The following CLCN6 variants were observed in gnomAD, a reference collection of about 807,000 sequenced individuals.
The protein encoded by CLCN6 is H(+)/Cl(-) exchange transporter 6.
In CLCN6, 70 loss-of-function variants were observed where a neutral mutation model predicts 109.8. That is an observed-to-expected ratio of 0.64 (90% CI 0.53 to 0.78). The LOEUF is 0.78. Among genes scored for constraint, CLCN6 ranks in the 30% least tolerant of loss-of-function variants. The probability of loss-of-function intolerance (pLI) is 0.00; values close to 1 mark genes in which losing one functional copy is unlikely to be tolerated. For missense variants in CLCN6, 984 were observed against 1,142.3 expected, an observed-to-expected ratio of 0.86 and a Z score of 2.00; for synonymous variants, 444 against 447.8, an observed-to-expected ratio of 0.99 and a Z score of 0.11.
intron 5 of CLCN6, among the ~76,000 whole-genome samples, chr1:11,821,582 T>C (rs765990551): frequency 2.0e-5 from 3 of 152,106 alleles, no homozygotes; most frequent in Non-Finnish European, 2.9e-5. Flanking sequence ...GAAGAACTCC[T>C]GCAACTCAAT....
At chr1:11,826,079 TCCA>T in intron 8 of CLCN6, 74 bp from the exon 9 acceptor site, 2 of 1,063,218 alleles carry the variant, frequency 1.9e-6, no homozygotes, top group Non-Finnish European at 1.4e-6. Flanking sequence ...TTTTTTTTTT[TCCA>T]TAATTACTGG....
At chr1:11,815,032 CAAAAAA>C (rs35753548) in intron 2 of CLCN6, among the ~76,000 whole-genome samples, 1 of 125,298 alleles carries the variant, frequency 8.0e-6, no homozygotes, top group Non-Finnish European at 1.7e-5. Context: ...GACTCCGTCT[CAAAAAA>C]AAAAAAAAAA....
At position 11,835,869 on chromosome 1, in the gene CLCN6, C is replaced by T. The variant is rs530221855; in HGVS notation, c.1794-98C>T. The T allele has an allele frequency of 2.6e-5, 26 of 1,001,248 alleles. No individual in the cohort carries two copies. The East Asian group carries it at 5.0e-4, about 19-fold the overall frequency. The allele number at this position is 1,001,248 out of a possible 1,614,324, so 62.0% of individuals were successfully genotyped here. On this transcript the variant is annotated intron_variant, in intron 17 of 22. Transcript: ENST00000346436. ...GGCAGTTCAGAAGAGCCCCCCACCC[C>T]GCCCGTGGTCTGAGCAGGGCTGGAG...
chr1:11,826,732 C>CG (rs1200010170), intron 9 of CLCN6, among the ~76,000 whole-genome samples: 16 of 152,150 alleles, frequency 1.1e-4, no homozygotes, highest in Middle Eastern at 3.2e-3. Context: ...TTACTGATGC[C>CG]GGGGTTTTCT....
Position 11,840,185 on chromosome 1 carries a change from C to T in CLCN6, c.2572C>T (p.Leu858=). The T allele has an allele frequency of 6.2e-7, 1 of 1,613,826 alleles. No homozygotes were observed. Among genetic ancestry groups the T allele is most frequent in the Non-Finnish European group, 8.5e-7 (1 of 1,180,042 alleles). Residue 858 remains leucine (L), a synonymous_variant, in exon 23 of 23, where the codon CTG becomes TTG. Coordinates refer to ENST00000346436, the MANE Select transcript of CLCN6 (RefSeq NM_001286.5). ...ITRHNLTYEF[L]QARLRQHYQT... is the part of the protein sequence containing the mutation. ...ACGGCACAACCTCACCTATGAATTT[C>T]TGCAGGCCCGGCTGAGGCAGCACTA... is the stretch of plus-strand genomic sequence containing the variant.
At chr1:11,823,490 GAAAA>G (rs1213625330) in intron 6 of CLCN6, among the ~76,000 whole-genome samples, 1 of 144,518 alleles carries the variant, frequency 6.9e-6, no homozygotes, top group South Asian at 2.2e-4. Context: ...AAAAAAAAAA[GAAAA>G]AAAAGTGCAA....
intron 22 of CLCN6, 80 bp from the exon 23 acceptor site, chr1:11,840,063 A>G (rs775284509): frequency 1.9e-4 from 228 of 1,176,374 alleles, no homozygotes; most frequent in Non-Finnish European, 2.7e-4. Flanking sequence ...GTGACAAACT[A>G]ACAGGGCCGG....
chr1:11,822,092 TTTG>T (rs1416840722), intron 5 of CLCN6, among the ~76,000 whole-genome samples: 1 of 152,124 alleles, frequency 6.6e-6, no homozygotes, highest in African/African-American at 2.4e-5. Flanking sequence ...TTTTTTTTGT[TTTG>T]TTTTGTTTCT....
chr1:11,828,660 C>A, intron 12 of CLCN6, 36 bp downstream of exon 12: 1 of 1,563,372 alleles, frequency 6.4e-7, no homozygotes, highest in East Asian at 2.2e-5. Context: ...GAGCCTGCTG[C>A]GGCTCCCTGA....
At chr1:11,835,887 G>A in intron 17 of CLCN6, 80 bp from the exon 18 acceptor site, 1 of 1,377,102 alleles carries the variant, frequency 7.3e-7, no homozygotes, top group Middle Eastern at 2.4e-4. Flanking sequence ...GTCTGAGCAG[G>A]GCTGGAGAGC....
intron 2 of CLCN6, among the ~76,000 whole-genome samples, chr1:11,810,603 A>G (rs1260933980): frequency 6.6e-6 from 1 of 152,174 alleles, no homozygotes; most frequent in Non-Finnish European, 1.5e-5. Context: ...CACAGATAAC[A>G]TTTTATTTTT....
At chr1:11,809,483 C>T (rs1342485226) in intron 2 of CLCN6, among the ~76,000 whole-genome samples, 2 of 152,162 alleles carry the variant, frequency 1.3e-5, no homozygotes, top group African/African-American at 2.4e-5. Context: ...GACAGAGTCT[C>T]ACTCTGTCGC....
intron 2 of CLCN6, among the ~76,000 whole-genome samples, chr1:11,810,534 C>T (rs76959101): frequency 0.019 from 2,838 of 152,280 alleles, 80 homozygotes; most frequent in African/African-American, 0.066. Flanking sequence ...GTTCAGCCCC[C>T]ACCTCCCTCC....
intron 1 of CLCN6, 191 bp downstream of exon 1, chr1:11,806,540 C>G: frequency 2.1e-6 from 1 of 483,398 alleles, no homozygotes; most frequent in South Asian, 3.4e-5. Flanking sequence ...TCTCATAACC[C>G]CTCCTGGAAT....
At position 11,842,130 on chromosome 1, in the gene CLCN6, C is replaced by T. The variant is rs567044676; in HGVS notation, c.*1907C>T. 2.0e-4 allele frequency: 31 copies of T among 152,300 alleles called. 1 individual carries two copies. The highest frequency in any genetic ancestry group is 7.2e-4 in the African/African-American group (30 of 41,558). The allele number at this position is 152,300 out of a possible 1,614,324, so 9.4% of individuals were successfully genotyped here. A position where few individuals can be genotyped will look rare whatever the true frequency, so the allele number is the denominator to read the frequency against. ...CTGTCACAGACACTTTGTCCCCTCT[C>T]CCCGCCCCTTCCTGGAGCTGGCAGA... is the stretch of plus-strand genomic sequence containing the variant. On this transcript the variant is annotated 3_prime_UTR_variant, in exon 23 of 23. Transcript: ENST00000346436.
In CLCN6 at chr1:11,840,871, T is replaced by C. The variant is rs915121129; in HGVS notation, c.*648T>C. 1.3e-5 allele frequency: 2 copies of C among 155,024 alleles called. No homozygotes were observed. Among genetic ancestry groups the C allele is most frequent in the African/African-American group, 4.8e-5 (2 of 41,470 alleles). 9.6% of individuals were successfully genotyped at this position (155,024 alleles called of 1,614,324 possible). On this transcript the variant is annotated 3_prime_UTR_variant, in exon 23 of 23. Coordinates refer to ENST00000346436, the MANE Select transcript of CLCN6 (RefSeq NM_001286.5). ...CACCGCCCACCAGAAACATAAAGGA[T>C]TAAAATCACACTAATAACCCCTGGA...
intron 2 of CLCN6, among the ~76,000 whole-genome samples, chr1:11,807,714 T>TA (rs1400779901): frequency 6.6e-6 from 1 of 152,372 alleles, no homozygotes; most frequent in Admixed American, 6.5e-5. Flanking sequence ...CGTGACTTTT[T>TA]ATCATTAAAT....
chr1:11,834,442 G>A lies in CLCN6; in HGVS notation c.1687-42G>A, dbSNP rs777666280. 9.9e-6 allele frequency: 16 copies of A among 1,612,938 alleles called. No individual in the cohort carries two copies. Among genetic ancestry groups the A allele is most frequent in the Non-Finnish European group, 1.2e-5 (14 of 1,179,260 alleles). ...CCCTGTCAGGCTCAGGGCCACGTCC[G>A]CCCCACAGGACCTATTTTTAGGTCT... On this transcript the variant is annotated intron_variant, in intron 16 of 22. Coordinates refer to ENST00000346436, the MANE Select transcript of CLCN6 (RefSeq NM_001286.5). The surrounding 1 kb of genome is among the most constrained non-coding windows in gnomAD (Gnocchi z 4.5).
chr1:11,838,965 A>T (rs1197917524), intron 22 of CLCN6: 1 of 704,412 alleles, frequency 1.4e-6, no homozygotes, highest in Non-Finnish European at 2.7e-6. Flanking sequence ...TTGGTTCTCC[A>T]CCTGCGTAGG....
Sources: gnomAD v4.1 joint callset for allele counts (sites outside exome capture counted in the v4.1 genomes callset) on GRCh38, gnomAD v4.1.1 for gene constraint, Gnocchi (gnomAD v3.1) non-coding constraint, MANE v1.5 for transcripts, NCBI Gene and HGNC (gene_info 2026-07-23, HGNC 2026-07-21) for gene names.